Variants in PITPNC1 observed in about 807,000 individuals in gnomAD.
PITPNC1 encodes phosphatidylinositol transfer protein cytoplasmic 1.
PITPNC1 carries 18 observed loss-of-function variants against 44.7 expected under a neutral mutation model. The ratio of observed to expected loss-of-function variants is 0.40; its 90% CI spans 0.28 to 0.60. The LOEUF is 0.60. Among genes scored for constraint, PITPNC1 ranks in the 20% least tolerant of loss-of-function variants. The pLI, the probability that PITPNC1 is intolerant of heterozygous loss-of-function variation, is 0.39. For missense variants in PITPNC1, 290 were observed against 418.4 expected, an observed-to-expected ratio of 0.69 and a Z score of 2.68; for synonymous variants, 141 against 149.6, an observed-to-expected ratio of 0.94 and a Z score of 0.42.
At chr17:67,395,290 A>C (rs1302520475) in intron 1 of PITPNC1, among the ~76,000 whole-genome samples, 1 of 151,668 alleles carries the variant, frequency 6.6e-6, no homozygotes, top group East Asian at 1.9e-4. Context: ...ACGGGTCTGC[A>C]CCACCATGTC....
In PITPNC1 at chr17:67,640,548, C is replaced by G. The variant is rs192702179; in HGVS notation, c.462+8310C>G. ...TACAAAAATTAGCCACGTATGGTGG[C>G]GGGCACCTGTAATCCCAGCTACTCA... On this transcript the variant is annotated intron_variant, in intron 6 of 8. Coordinates refer to ENST00000581322, the MANE Select transcript of PITPNC1 (RefSeq NM_012417.4). 4.6e-3 allele frequency among the ~76,000 whole-genome samples: 698 copies of G among 151,556 alleles called. 5 individuals are homozygous for G. The highest frequency in any genetic ancestry group is 0.016 in the African/African-American group (656 of 41,296).
chr17:67,419,397 A>C (rs1391886515), intron 1 of PITPNC1, among the ~76,000 whole-genome samples: 1 of 152,156 alleles, frequency 6.6e-6, no homozygotes, highest in Non-Finnish European at 1.5e-5. Flanking sequence ...AGGAAACATC[A>C]TTTCAAGTTG....
chr17:67,591,312 C>A (rs987911111), intron 5 of PITPNC1, among the ~76,000 whole-genome samples: 1 of 152,130 alleles, frequency 6.6e-6, no homozygotes, highest in Admixed American at 6.5e-5. Flanking sequence ...GATGAGACTA[C>A]TAAATGCAGT....
At chr17:67,609,351 G>A (rs536668553) in intron 5 of PITPNC1, among the ~76,000 whole-genome samples, 18 of 145,788 alleles carry the variant, frequency 1.2e-4, no homozygotes, top group African/African-American at 3.6e-4. Context: ...GTGCAATGGC[G>A]CAATCTCGGC....
At chr17:67,435,036 G>C (rs1483992934) in intron 1 of PITPNC1, among the ~76,000 whole-genome samples, 2 of 150,264 alleles carry the variant, frequency 1.3e-5, no homozygotes, top group Non-Finnish European at 3.0e-5. Context: ...GTGAACCCGG[G>C]AGATGGAGCT....
At chr17:67,630,717 CTTTT>C (rs113540590) in intron 5 of PITPNC1, among the ~76,000 whole-genome samples, 1 of 144,280 alleles carries the variant, frequency 6.9e-6, no homozygotes. Flanking sequence ...GAAATTTAGA[CTTTT>C]TTTTTTTTTT....
At chr17:67,474,161 G>C (rs990888231) in intron 1 of PITPNC1, among the ~76,000 whole-genome samples, 1 of 152,174 alleles carries the variant, frequency 6.6e-6, no homozygotes, top group Non-Finnish European at 1.5e-5. Flanking sequence ...AGGAAGGTCA[G>C]TGAGAAGGAG....
At chr17:67,611,566 T>A (rs2041687653) in intron 5 of PITPNC1, 1 of 152,278 alleles carries the variant, frequency 6.6e-6, no homozygotes. Context: ...CTCCGCCTCC[T>A]GGGTTCAAGC....
chr17:67,424,565 A>T (rs933557098), intron 1 of PITPNC1, among the ~76,000 whole-genome samples: 1 of 151,964 alleles, frequency 6.6e-6, no homozygotes, highest in Non-Finnish European at 1.5e-5. Context: ...GCTGAGGCAG[A>T]GGAATCGCCT....
intron 1 of PITPNC1, among the ~76,000 whole-genome samples, chr17:67,505,691 G>A (rs928003432): frequency 6.6e-6 from 1 of 152,102 alleles, no homozygotes; most frequent in Non-Finnish European, 1.5e-5. Flanking sequence ...TAGCCAGGCT[G>A]GTCTCGATCT....
intron 1 of PITPNC1, among the ~76,000 whole-genome samples, chr17:67,519,178 T>G (rs1013719368): frequency 3.5e-5 from 5 of 144,412 alleles, no homozygotes; most frequent in Admixed American, 2.1e-4. Flanking sequence ...TCTGTTTTTT[T>G]TTTTTTTTTT....
At chr17:67,523,762 A>G (rs1446642993) in intron 1 of PITPNC1, among the ~76,000 whole-genome samples, 1 of 150,252 alleles carries the variant, frequency 6.7e-6, no homozygotes, top group Admixed American at 6.6e-5. Flanking sequence ...ATGCAACCCT[A>G]ATTACTAGTG....
At chr17:67,485,801 G>A (rs555134089) in intron 1 of PITPNC1, among the ~76,000 whole-genome samples, 1 of 152,262 alleles carries the variant, frequency 6.6e-6, no homozygotes, top group East Asian at 1.9e-4. Flanking sequence ...GTCAAAAAAA[G>A]AGCAAAAGCT....
At position 67,495,056 on chromosome 17, in the gene PITPNC1, T is replaced by TG. The variant is rs1345891848; in HGVS notation, c.49-37746_49-37745insG. On this transcript the variant is annotated intron_variant, in intron 1 of 8. Transcript: ENST00000581322. ...CATGGAGTTGTTTTTTTTTTTGTTT[T>TG]TTTTTTTTTTTTTTTTTTGAGACGG... 7.6e-4 allele frequency among the ~76,000 whole-genome samples: 67 copies of TG among 87,918 alleles called. 2 individuals carry two copies. The highest frequency in any genetic ancestry group is 6.5e-4 in the African/African-American group (17 of 26,274). The allele number at this position is 87,918 out of a possible 152,430, so 57.7% of individuals were successfully genotyped here.
At chr17:67,437,178 C>G (rs963438589) in intron 1 of PITPNC1, among the ~76,000 whole-genome samples, 1 of 151,968 alleles carries the variant, frequency 6.6e-6, no homozygotes, top group African/African-American at 2.4e-5. Context: ...CCTCGGCCTC[C>G]TAAAGTGCTG....
intron 6 of PITPNC1, among the ~76,000 whole-genome samples, chr17:67,644,683 C>T (rs959793738): frequency 6.6e-6 from 1 of 152,118 alleles, no homozygotes; most frequent in African/African-American, 2.4e-5. Flanking sequence ...GATCCACTCG[C>T]CAAAGTGCTG....
At chr17:67,547,639 A>G (rs148142964) in intron 2 of PITPNC1, among the ~76,000 whole-genome samples, 69 of 152,326 alleles carry the variant, frequency 4.5e-4, no homozygotes, top group African/African-American at 1.5e-3. Context: ...AACCTCCTGG[A>G]GCCAAAGCCC....
chr17:67,492,920 GT>G (rs1400237696), intron 1 of PITPNC1, among the ~76,000 whole-genome samples: 1 of 152,176 alleles, frequency 6.6e-6, no homozygotes, highest in Non-Finnish European at 1.5e-5. Context: ...GGGCATTTGA[GT>G]TTGGGGCTAC....
At chr17:67,450,434 C>A (rs74953610) in intron 1 of PITPNC1, among the ~76,000 whole-genome samples, 5,103 of 151,654 alleles carry the variant, frequency 0.034, 338 homozygotes, top group African/African-American at 0.12. Context: ...TTTTAAGTTT[C>A]TTTTTTTTGA....
Sources: allele counts gnomAD v4.1 joint callset (sites outside exome capture counted in the v4.1 genomes callset), GRCh38; gene constraint gnomAD v4.1.1; transcripts MANE v1.5; gene names NCBI Gene and HGNC (gene_info 2026-07-23, HGNC 2026-07-21).